SCARA3: variants seen among roughly 807,000 people sequenced by gnomAD.
SCARA3 encodes the protein cellular stress response gene protein.
SCARA3 carries 39 observed loss-of-function variants against 47.0 expected under a neutral mutation model. The ratio of observed to expected loss-of-function variants is 0.83; its 90% CI spans 0.64 to 1.08. The LOEUF (loss-of-function observed/expected upper bound fraction) is 1.08, where lower values mean the gene tolerates loss of function less well. SCARA3 is among the 50% of genes least tolerant of loss of function. SCARA3 has a pLI of 0.00. For missense variants in SCARA3, 724 were observed against 792.3 expected (o/e 0.91, Z 1.04); for synonymous variants, 356 against 334.1 (o/e 1.07, Z -0.71).
chr8:27,701,262 G>A, the SCARA3 span: 1 of 152,172 alleles, frequency 6.6e-6, no homozygotes, highest in Non-Finnish European at 1.5e-5. Context: ...TGGTTACCTG[G>A]GATGGGATGG....
chr8:27,644,267 C>T (rs1415952658), intron 1 of SCARA3, among the ~76,000 whole-genome samples: 2 of 152,074 alleles, frequency 1.3e-5, no homozygotes, highest in Non-Finnish European at 2.9e-5. Context: ...TTTCTAAGCA[C>T]CTTGCCTGCG....
the SCARA3 span, among the ~76,000 whole-genome samples, chr8:27,686,543 A>AAGG: frequency 6.6e-6 from 1 of 152,158 alleles, no homozygotes; most frequent in Non-Finnish European, 1.5e-5. Context: ...AGGAGGACAC[A>AAGG]AGGCTTCCCT....
chr8:27,646,567 C>A (rs1463699066), intron 1 of SCARA3, among the ~76,000 whole-genome samples: 1 of 152,116 alleles, frequency 6.6e-6, no homozygotes, highest in Non-Finnish European at 1.5e-5. Flanking sequence ...ACGAGGAACC[C>A]GGCCAAGGAG....
At chr8:27,643,045 G>C (rs1242976664) in intron 1 of SCARA3, among the ~76,000 whole-genome samples, 1 of 152,166 alleles carries the variant, frequency 6.6e-6, no homozygotes, top group Non-Finnish European at 1.5e-5. Context: ...TTAGAAATGG[G>C]TGGGCATTCG....
chr8:27,656,374 C>A (rs772481627), intron 3 of SCARA3, among the ~76,000 whole-genome samples: 12 of 152,130 alleles, frequency 7.9e-5, no homozygotes, highest in Non-Finnish European at 1.3e-4. Flanking sequence ...AATGTATCCC[C>A]TGCAGGTAAG....
the SCARA3 span, among the ~76,000 whole-genome samples, chr8:27,710,373 C>T: frequency 1.3e-5 from 2 of 152,022 alleles, no homozygotes; most frequent in African/African-American, 2.4e-5. Flanking sequence ...TATTGCCATA[C>T]ATTCGCATAT....
chr8:27,726,965 G>A, the SCARA3 span, among the ~76,000 whole-genome samples: 1 of 151,972 alleles, frequency 6.6e-6, no homozygotes, highest in Non-Finnish European at 1.5e-5. Context: ...GTAGAGATGA[G>A]GTCTCACCAT....
the SCARA3 span, among the ~76,000 whole-genome samples, chr8:27,682,091 A>G: frequency 6.6e-6 from 1 of 152,228 alleles, no homozygotes; most frequent in African/African-American, 2.4e-5. Context: ...AGACAGGCAG[A>G]TAGTCAAATG....
At position 27,659,461 on chromosome 8, in the gene SCARA3, C is replaced by T. The variant is rs746408749; in HGVS notation, c.1291C>T (p.Leu431Phe). 1.2e-6 allele frequency: 2 copies of T among 1,614,052 alleles called. No homozygotes were observed. The highest frequency in any genetic ancestry group is 1.3e-5 in the African/African-American group (1 of 75,038). ...SARLDLNVRNLSMIVEEMKAV... is the reference protein window; with the variant it reads ...SARLDLNVRNFSMIVEEMKAV... ...CCGGCTGGACCTCAACGTCCGGAAC[C>T]TCTCCATGATCGTGGAGGAGATGAA... Residue 431 changes from leucine (L) to phenylalanine (F), a missense_variant, in exon 5 of 6, where the codon CTC (leucine) becomes TTC (phenylalanine). By Grantham distance (22) the Leu-to-Phe change is conservative. Coordinates refer to ENST00000301904, the MANE Select transcript of SCARA3 (RefSeq NM_016240.3).
Position 27,670,904 on chromosome 8 carries a change from C to A in SCARA3, c.1374C>A (p.Ala458=), listed in dbSNP as rs763547766. 1.3e-6 allele frequency: 2 copies of A among 1,523,430 alleles called. No individual in the cohort carries two copies. Among genetic ancestry groups the A allele is most frequent in the Non-Finnish European group, 1.8e-6 (2 of 1,138,280 alleles). The allele number at this position is 1,523,430 out of a possible 1,614,324, so 94.4% of individuals were successfully genotyped here. A position where few individuals can be genotyped will look rare whatever the true frequency, so the allele number is the denominator to read the frequency against. The change falls in exon 6 of 6, where the codon GCC becomes GCA. Residue 458 remains alanine (A), a synonymous_variant. Coordinates refer to ENST00000301904, the MANE Select transcript of SCARA3 (RefSeq NM_016240.3). The part of the protein sequence containing the change: ...ILRNVTILRG[A]PGPPGPRGFK... Reference sequence around the variant, plus strand: ...CCATCTTCTCTCCAACCTCAGGTGCCCCCGGCCCTCCAGGACCAAGAGGAT... The same window carrying A: ...CCATCTTCTCTCCAACCTCAGGTGCACCCGGCCCTCCAGGACCAAGAGGAT...
At chr8:27,696,801 T>A in the SCARA3 span, among the ~76,000 whole-genome samples, 1 of 152,132 alleles carries the variant, frequency 6.6e-6, no homozygotes, top group Non-Finnish European at 1.5e-5. Context: ...GTTTTACATA[T>A]TTTATGATTC....
intron 5 of SCARA3, among the ~76,000 whole-genome samples, chr8:27,659,869 AAAAAAAAAGAG>A (rs1801855393): frequency 2.4e-5 from 3 of 127,636 alleles, no homozygotes; most frequent in African/African-American, 7.8e-5. Flanking sequence ...AAAAAAAAAA[AAAAAAAAAGAG>A]AGAGAGAGAG....
chr8:27,648,201 A>G (rs1801548962), intron 1 of SCARA3, among the ~76,000 whole-genome samples: 1 of 152,176 alleles, frequency 6.6e-6, no homozygotes, highest in African/African-American at 2.4e-5. Flanking sequence ...AACATTCTTC[A>G]CTTCCCTGAA....
At chr8:27,649,903 G>T in intron 2 of SCARA3, 103 bp downstream of exon 2, 1 of 1,005,280 alleles carries the variant, frequency 9.9e-7, no homozygotes. Flanking sequence ...GGTTTCAAAA[G>T]CCTGGGTGTC....
At position 27,635,803 on chromosome 8, in the gene SCARA3, AAC is replaced by A. The variant is rs1009467683; in HGVS notation, c.7+1605_7+1606del. ...AGTCATCCCCTCCCACCAACACACA[AAC>A]ACACACACTTTCCTTTTACACTGGG... On this transcript the variant is annotated intron_variant, in intron 1 of 5. Coordinates refer to ENST00000301904, the MANE Select transcript of SCARA3 (RefSeq NM_016240.3). Among the ~76,000 whole-genome samples the A allele has an allele frequency of 3.1e-4, 47 of 152,070 alleles. 1 individual carries two copies. Among genetic ancestry groups the A allele is most frequent in the Admixed American group, 3.0e-3 (46 of 15,272 alleles).
chr8:27,648,539 G>A (rs1801558589), intron 1 of SCARA3, among the ~76,000 whole-genome samples: 1 of 152,072 alleles, frequency 6.6e-6, no homozygotes, highest in Non-Finnish European at 1.5e-5. Context: ...AGGTGGCAGA[G>A]CTTGCAGTGA....
chr8:27,714,193 C>CCT, the SCARA3 span, among the ~76,000 whole-genome samples: 3 of 114,128 alleles, frequency 2.6e-5, no homozygotes, highest in Admixed American at 9.0e-5. Flanking sequence ...TCAGGTATTC[C>CCT]TTTTTTTTTT....
At position 27,657,529 on chromosome 8, in the gene SCARA3, A is replaced by G. The variant is rs551065966; in HGVS notation, c.325+649A>G. 1.9e-3 allele frequency among the ~76,000 whole-genome samples: 247 copies of G among 128,614 alleles called. 1 individual carries two copies. The highest frequency in any genetic ancestry group is 3.1e-3 in the Non-Finnish European group (194 of 62,908). 84.4% of individuals were successfully genotyped at this position (128,614 alleles called of 152,430 possible). On this transcript the variant is annotated intron_variant, in intron 4 of 5. Transcript: ENST00000301904. ...CTATTGTTGCCATCTTTATGTCTAC[A>G]TGTATTCAACCTTTTTTTTTTTTTT...
chr8:27,669,163 A>T (rs1342087665), intron 5 of SCARA3, among the ~76,000 whole-genome samples: 1 of 152,126 alleles, frequency 6.6e-6, no homozygotes, highest in African/African-American at 2.4e-5. Flanking sequence ...GCGAATGCCC[A>T]CCCAGACAGG....
Sources: allele counts gnomAD v4.1 joint callset (sites outside exome capture counted in the v4.1 genomes callset), GRCh38; gene constraint gnomAD v4.1.1; transcripts MANE v1.5; gene names NCBI Gene and HGNC (gene_info 2026-07-23, HGNC 2026-07-21).